PRH1: variants seen among roughly 807,000 people sequenced by gnomAD.
PRH1 encodes salivary acidic proline-rich phosphoprotein 1/2.
PRH1 carries 7 observed loss-of-function variants against 7.9 expected under a neutral mutation model. That is an observed-to-expected ratio of 0.89 (90% CI 0.50 to 1.67). The LOEUF is 1.67. Ranked by LOEUF, PRH1 falls within the 40% of genes most tolerant of loss-of-function variation. The pLI, the probability that PRH1 is intolerant of heterozygous loss-of-function variation, is 0.00. For missense variants in PRH1, 109 were observed against 223.6 expected, an observed-to-expected ratio of 0.49 and a Z score of 3.27; for synonymous variants, 45 against 80.8, an observed-to-expected ratio of 0.56 and a Z score of 2.38.
intron 1 of PRH1, among the ~76,000 whole-genome samples, chr12:11,154,554 G>A (rs540764358): frequency 3.3e-5 from 5 of 152,160 alleles, no homozygotes; most frequent in Admixed American, 6.6e-5. Flanking sequence ...TCTAGGGGAG[G>A]TGGAGGGAAG....
chr12:11,091,097 TAC>T (rs34115566), intron 1 of PRH1, among the ~76,000 whole-genome samples: 2 of 32,594 alleles, frequency 6.1e-5, no homozygotes, highest in East Asian at 1.1e-3. Context: ...CATACACAAA[TAC>T]ACACACACAC....
At chr12:11,020,880 T>C (rs1941585657) in intron 1 of PRH1, among the ~76,000 whole-genome samples, 1 of 152,150 alleles carries the variant, frequency 6.6e-6, no homozygotes, top group Non-Finnish European at 1.5e-5. Context: ...TGACATCAGA[T>C]GTCAACTTCA....
intron 2 of PRH1, chr12:10,929,228 T>C (rs746473389): frequency 2.5e-6 from 4 of 1,613,332 alleles, no homozygotes; most frequent in Non-Finnish European, 3.4e-6. Flanking sequence ...AGCTGACACG[T>C]TTCTCCCAGC....
chr12:11,114,532 A>G (rs1945678356), intron 1 of PRH1, among the ~76,000 whole-genome samples: 1 of 152,190 alleles, frequency 6.6e-6, no homozygotes, highest in Non-Finnish European at 1.5e-5. Flanking sequence ...TAGGGATAGC[A>G]TTAGGAGAAA....
chr12:10,945,811 G>A (rs891864420), intron 2 of PRH1, among the ~76,000 whole-genome samples: 5 of 152,108 alleles, frequency 3.3e-5, no homozygotes, highest in Admixed American at 1.3e-4. Flanking sequence ...TCCCCAAAGC[G>A]GCCATTTCAG....
intron 2 of PRH1, among the ~76,000 whole-genome samples, chr12:10,897,899 T>C (rs1280351266): frequency 6.6e-6 from 1 of 152,070 alleles, no homozygotes; most frequent in African/African-American, 2.4e-5. Context: ...TCAAACCATA[T>C]CAACAAGCAC....
intron 2 of PRH1, among the ~76,000 whole-genome samples, chr12:10,903,209 C>G (rs2135812962): frequency 6.6e-6 from 1 of 152,114 alleles, no homozygotes; most frequent in South Asian, 2.1e-4. Flanking sequence ...AATCACTATT[C>G]CTATATAAGA....
At chr12:10,931,215 T>A in intron 2 of PRH1, 1 of 1,503,706 alleles carries the variant, frequency 6.7e-7, no homozygotes. Context: ...TTTGTTCAAA[T>A]ATTCTGGGAT....
At chr12:11,143,447 AAG>A (rs1946765369) in intron 1 of PRH1, among the ~76,000 whole-genome samples, 1 of 152,220 alleles carries the variant, frequency 6.6e-6, no homozygotes, top group African/African-American at 2.4e-5. Context: ...GAAGGAAAGA[AAG>A]AAGAGCAGAC....
exon 2 of PRH1, chr12:11,120,922 T>C (rs958789273): frequency 6.5e-6 from 1 of 154,154 alleles, no homozygotes; most frequent in Non-Finnish European, 1.5e-5. Context: ...GATCATACAT[T>C]TTTATCAGGA....
At chr12:10,976,399 A>T (rs985650033) in intron 1 of PRH1, among the ~76,000 whole-genome samples, 1 of 152,176 alleles carries the variant, frequency 6.6e-6, no homozygotes, top group East Asian at 1.9e-4. Flanking sequence ...ACATACCAGA[A>T]TTTCTGGGAT....
At chr12:11,164,618 G>C (rs913413737) in intron 1 of PRH1, among the ~76,000 whole-genome samples, 1 of 151,994 alleles carries the variant, frequency 6.6e-6, no homozygotes, top group African/African-American at 2.4e-5. Context: ...TAACCCTCCA[G>C]AATTAGTCTC....
At chr12:10,968,670 G>A (rs1278749907) in intron 2 of PRH1, among the ~76,000 whole-genome samples, 1 of 152,234 alleles carries the variant, frequency 6.6e-6, no homozygotes, top group African/African-American at 2.4e-5. Context: ...GAACCAGCCA[G>A]CTGCTTTAGG....
At chr12:10,991,506 T>A (rs12306939) in intron 1 of PRH1, among the ~76,000 whole-genome samples, 83 of 152,046 alleles carry the variant, frequency 5.5e-4, no homozygotes, top group African/African-American at 1.9e-3. Flanking sequence ...ACCTTCTCCA[T>A]AGATTTTTAG....
chr12:10,884,147 A>G lies in PRH1; in HGVS notation c.64+7T>C. The stretch of plus-strand genomic sequence containing the variant: ...GAGTCACAATATCTTCCCCCAATTC[A>G]TCTTACCTTCATTTAAATCCTGAGC... On this transcript the variant is annotated splice_region_variant and intron_variant, in intron 1 of 3. Coordinates refer to ENST00000543626, the MANE Select transcript of PRH1 (RefSeq NM_001393989.1). The G allele has an allele frequency of 3.1e-6, 5 of 1,614,104 alleles. No homozygotes were observed. Among genetic ancestry groups the G allele is most frequent in the Non-Finnish European group, 4.2e-6 (5 of 1,180,012 alleles).
At chr12:10,884,342 A>C (rs1264801496), upstream of PRH1, 1 of 1,168,144 alleles carries the variant, frequency 8.6e-7, no homozygotes, top group Non-Finnish European at 1.3e-6. Context: ...CTCGCCTCAG[A>C]GACTGGCTTC....
chr12:10,882,111 C>T (rs1949410220), intron 3 of PRH1, 106 bp downstream of exon 3: 2 of 1,549,550 alleles, frequency 1.3e-6, no homozygotes, highest in African/African-American at 2.8e-5. Flanking sequence ...GAAATGTGTT[C>T]CAGGACAGGG....
At chr12:10,996,967 T>A (rs779955059) in intron 1 of PRH1, 2 of 1,612,610 alleles carry the variant, frequency 1.2e-6, no homozygotes, top group African/African-American at 2.7e-5. Flanking sequence ...ACTGGTTCTG[T>A]CCTTTTGCCC....
intron 2 of PRH1, 66 bp downstream of exon 2, chr12:10,882,992 ACTG>A: frequency 6.4e-7 from 1 of 1,555,916 alleles, no homozygotes; most frequent in Non-Finnish European, 8.9e-7. Context: ...ATAAGAAGAC[ACTG>A]GAGAACTCAT....
Sources: gnomAD v4.1 joint callset for allele counts (sites outside exome capture counted in the v4.1 genomes callset) on GRCh38, gnomAD v4.1.1 for gene constraint, MANE v1.5 for transcripts, NCBI Gene and HGNC (gene_info 2026-07-23, HGNC 2026-07-21) for gene names.